Variants in CSRNP3 observed in about 807,000 individuals in gnomAD.
CSRNP3 encodes the protein cysteine/serine-rich nuclear protein 3.
CSRNP3 carries 12 observed loss-of-function variants against 48.0 expected under a neutral mutation model. The ratio of observed to expected loss-of-function variants is 0.25; its 90% CI spans 0.16 to 0.41. CSRNP3 has a LOEUF of 0.41. CSRNP3 is among the 10% of genes least tolerant of loss of function. The pLI is 1.00. For synonymous variants in CSRNP3, 263 were observed against 269.7 expected (o/e 0.98, Z 0.24); for missense variants, 580 against 724.4 (o/e 0.80, Z 2.29).
At chr2:165,525,790 T>C (rs1684725814) in intron 3 of CSRNP3, among the ~76,000 whole-genome samples, 2 of 152,134 alleles carry the variant, frequency 1.3e-5, no homozygotes, top group Non-Finnish European at 2.9e-5. Context: ...CCCAGCCTGA[T>C]GTTATATCTA....
intron 3 of CSRNP3, among the ~76,000 whole-genome samples, chr2:165,579,211 T>C (rs759309291): frequency 8.5e-5 from 13 of 152,186 alleles, no homozygotes; most frequent in Admixed American, 6.5e-5. Flanking sequence ...CAGGATTTTA[T>C]TGGAGGTTAT....
intron 4 of CSRNP3, among the ~76,000 whole-genome samples, chr2:165,595,450 A>C (rs1329232364): frequency 6.6e-6 from 1 of 152,228 alleles, no homozygotes; most frequent in Non-Finnish European, 1.5e-5. Flanking sequence ...TTTAAAGATC[A>C]CATTACATTA....
At chr2:165,626,495 C>G (rs1055448855) in intron 4 of CSRNP3, among the ~76,000 whole-genome samples, 1 of 152,150 alleles carries the variant, frequency 6.6e-6, no homozygotes, top group African/African-American at 2.4e-5. Context: ...ACCTTATTTC[C>G]CCCTTCAAAG....
intron 1 of CSRNP3, among the ~76,000 whole-genome samples, chr2:165,487,731 A>G (rs1192540043): frequency 6.7e-6 from 1 of 150,104 alleles, no homozygotes; most frequent in Non-Finnish European, 1.5e-5. Flanking sequence ...AATACTTTAC[A>G]GACAAGCAAA....
chr2:165,602,611 G>T (rs1573910775), intron 4 of CSRNP3, among the ~76,000 whole-genome samples: 1 of 152,284 alleles, frequency 6.6e-6, no homozygotes. Context: ...AAGGCCTGTT[G>T]TCTGATACAA....
At chr2:165,545,554 G>T (rs565051547) in intron 3 of CSRNP3, among the ~76,000 whole-genome samples, 2 of 152,208 alleles carry the variant, frequency 1.3e-5, no homozygotes, top group African/African-American at 4.8e-5. Flanking sequence ...TTCTGGTGGA[G>T]ATGGAAAATA....
chr2:165,688,873 C>T lies in CSRNP3; in HGVS notation c.*9120C>T, dbSNP rs1687672701. The T allele has an allele frequency of 6.6e-6, 1 of 151,606 alleles. No homozygotes were observed. Among genetic ancestry groups the T allele is most frequent in the Non-Finnish European group, 1.5e-5 (1 of 67,932 alleles). The allele number at this position is 151,606 out of a possible 1,614,324, so 9.4% of individuals were successfully genotyped here. A position where few individuals can be genotyped will look rare whatever the true frequency, so the allele number is the denominator to read the frequency against. On this transcript the variant is annotated 3_prime_UTR_variant, in exon 7 of 7. Coordinates refer to ENST00000651982, the MANE Select transcript of CSRNP3 (RefSeq NM_001172173.2). ...TTTGTGACCTTATGATTAGTTTTAT[C>T]TTTCAACTGATTTTTATTGTTACTT...
intron 2 of CSRNP3, among the ~76,000 whole-genome samples, chr2:165,507,111 T>C (rs1243853751): frequency 1.3e-5 from 2 of 152,210 alleles, no homozygotes; most frequent in Non-Finnish European, 2.9e-5. Flanking sequence ...GCTTATTAAA[T>C]TTATAAATAT....
intron 4 of CSRNP3, among the ~76,000 whole-genome samples, chr2:165,639,210 C>T (rs1347182696): frequency 6.6e-6 from 1 of 152,026 alleles, no homozygotes; most frequent in Non-Finnish European, 1.5e-5. Context: ...AGGAAAATTA[C>T]CTACAAAAAG....
At chr2:165,663,661 A>G (rs530353964) in intron 5 of CSRNP3, among the ~76,000 whole-genome samples, 1 of 152,308 alleles carries the variant, frequency 6.6e-6, no homozygotes, top group African/African-American at 2.4e-5. Context: ...CTGTTAATTT[A>G]GGGAAGTCAA....
At position 165,621,700 on chromosome 2, in the gene CSRNP3, T is replaced by G. The variant is rs1185433328; in HGVS notation, c.148+26487T>G. Among the ~76,000 whole-genome samples, 3 of 152,220 alleles carry G rather than the reference T, an allele frequency of 2.0e-5. No individual in the cohort carries two copies. The East Asian group carries it at 5.8e-4, about 29-fold the overall frequency. The stretch of plus-strand genomic sequence containing the variant: ...CATTATCCCTTTCTATTTGTTGTTG[T>G]TGTACCACTGGAGGAAAAAAATGGT... On this transcript the variant is annotated intron_variant, in intron 4 of 6. Transcript: ENST00000651982.
intron 5 of CSRNP3, among the ~76,000 whole-genome samples, chr2:165,663,798 A>T (rs1203401947): frequency 6.6e-6 from 1 of 152,200 alleles, no homozygotes; most frequent in Non-Finnish European, 1.5e-5. Flanking sequence ...ATCAGCTATG[A>T]TGGGTGTATT....
chr2:165,621,646 T>C lies in CSRNP3; in HGVS notation c.148+26433T>C, dbSNP rs77553519. 2.0e-5 allele frequency among the ~76,000 whole-genome samples: 3 copies of C among 152,172 alleles called. No homozygotes were observed. In the East Asian group the frequency reaches 5.8e-4, roughly 29 times the overall value. ...TTGTTTTTGTAGAAAATAATATAGT[T>C]TTATTAAAGAGAATTTAGTTCAAGT... On this transcript the variant is annotated intron_variant, in intron 4 of 6. Coordinates refer to ENST00000651982, the MANE Select transcript of CSRNP3 (RefSeq NM_001172173.2).
intron 3 of CSRNP3, among the ~76,000 whole-genome samples, chr2:165,536,617 C>T (rs1029234416): frequency 1.3e-5 from 2 of 151,752 alleles, no homozygotes; most frequent in Non-Finnish European, 2.9e-5. Flanking sequence ...ATTTCTAGAG[C>T]GTGTAATGTT....
intron 3 of CSRNP3, among the ~76,000 whole-genome samples, chr2:165,554,113 TC>T (rs1389603498): frequency 6.6e-6 from 1 of 152,168 alleles, no homozygotes; most frequent in African/African-American, 2.4e-5. Flanking sequence ...AGAGAGTTGA[TC>T]ACTCCCTCAT....
intron 2 of CSRNP3, among the ~76,000 whole-genome samples, chr2:165,505,175 G>A (rs1274876169): frequency 6.6e-6 from 1 of 152,146 alleles, no homozygotes; most frequent in East Asian, 1.9e-4. Flanking sequence ...TCAGTTTTGG[G>A]AAGTCAAAAC....
chr2:165,539,998 C>A (rs1412665407), intron 3 of CSRNP3, among the ~76,000 whole-genome samples: 1 of 151,988 alleles, frequency 6.6e-6, no homozygotes, highest in African/African-American at 2.4e-5. Context: ...TACAAATAAA[C>A]CCAAAGGATA....
intron 3 of CSRNP3, among the ~76,000 whole-genome samples, chr2:165,564,073 C>T (rs998672913): frequency 6.6e-6 from 1 of 152,056 alleles, no homozygotes; most frequent in African/African-American, 2.4e-5. Context: ...GAAATAGTTA[C>T]GTGAACCCCC....
intron 3 of CSRNP3, among the ~76,000 whole-genome samples, chr2:165,569,018 C>T (rs940728609): frequency 6.6e-6 from 1 of 151,968 alleles, no homozygotes; most frequent in Non-Finnish European, 1.5e-5. Flanking sequence ...ATAACATGCT[C>T]AGCACATTTT....
Sources: gnomAD v4.1 joint callset for allele counts (sites outside exome capture counted in the v4.1 genomes callset) on GRCh38, gnomAD v4.1.1 for gene constraint, MANE v1.5 for transcripts, NCBI Gene and HGNC (gene_info 2026-07-23, HGNC 2026-07-21) for gene names.